Variants in PKP1 observed in about 807,000 individuals in gnomAD.
The protein encoded by PKP1 is plakophilin 1, also known as plakophilin-1.
A neutral mutation model predicts 76.4 loss-of-function variants in PKP1; 27 were observed. That is an observed-to-expected ratio of 0.35 (90% CI 0.26 to 0.49). The LOEUF is 0.49. Ranked by LOEUF, PKP1 falls within the 20% of genes least tolerant of loss-of-function variation. PKP1 has a pLI of 0.99. For synonymous variants in PKP1, 404 were observed against 384.2 expected (o/e 1.05, Z -0.60); for missense variants, 964 against 955.2 (o/e 1.01, Z -0.12).
chr1:201,325,899 G>C, intron 12 of PKP1, 61 bp downstream of exon 12: 1 of 1,286,326 alleles, frequency 7.8e-7, no homozygotes, highest in South Asian at 1.2e-5. Context: ...AGAGGGCCTG[G>C]CATATGCTGG....
chr1:201,316,149 C>CGGACGGACGGATGGAT (rs1558191684), intron 3 of PKP1: 6 of 124,068 alleles, frequency 4.8e-5, no homozygotes, highest in African/African-American at 2.4e-4. Flanking sequence ...GATGGACGGA[C>CGGACGGACGGATGGAT]GGATGGATGG....
intron 1 of PKP1, among the ~76,000 whole-genome samples, chr1:201,287,050 C>T (rs1463611295): frequency 2.0e-5 from 3 of 152,212 alleles, no homozygotes; most frequent in African/African-American, 7.2e-5. Flanking sequence ...CCAGGGAAGT[C>T]CTAACAACAC....
intron 13 of PKP1, 138 bp downstream of exon 13, chr1:201,329,006 T>G: frequency 1.4e-6 from 1 of 694,948 alleles, no homozygotes; most frequent in Non-Finnish European, 2.6e-6. Flanking sequence ...CACAAGCAGT[T>G]GTGTAGACTG....
chr1:201,313,800 AAAGGTC>A (rs1438156493), intron 3 of PKP1, among the ~76,000 whole-genome samples: 1 of 152,234 alleles, frequency 6.6e-6, no homozygotes, highest in Non-Finnish European at 1.5e-5. Flanking sequence ...TGTAGGTTTT[AAAGGTC>A]ACAGTTTATG....
intron 2 of PKP1, 144 bp from the exon 3 acceptor site, chr1:201,313,022 G>A: frequency 1.2e-6 from 1 of 816,784 alleles, no homozygotes; most frequent in South Asian, 1.6e-5. Context: ...ATCAGATGAT[G>A]GCTCAGGTTC....
At chr1:201,322,952 C>T in intron 8 of PKP1, 61 bp from the exon 9 acceptor site, 1 of 1,545,292 alleles carries the variant, frequency 6.5e-7, no homozygotes, top group Non-Finnish European at 8.9e-7. Flanking sequence ...GACAGAATGC[C>T]TGGGTTGTGT....
At chr1:201,316,129 C>CGGACAGAT (rs1553275140) in intron 3 of PKP1, 49 of 66,394 alleles carry the variant, frequency 7.4e-4, no homozygotes, top group Non-Finnish European at 1.6e-3. Flanking sequence ...GATGGACGGA[C>CGGACAGAT]GGACGGACGG....
intron 1 of PKP1, among the ~76,000 whole-genome samples, chr1:201,285,432 G>A (rs1175221332): frequency 6.6e-6 from 1 of 152,052 alleles, no homozygotes; most frequent in Non-Finnish European, 1.5e-5. Context: ...CCTTTGTGTG[G>A]GCTCCAGGCT....
At chr1:201,296,454 G>A (rs191445615) in intron 2 of PKP1, among the ~76,000 whole-genome samples, 262 of 152,310 alleles carry the variant, frequency 1.7e-3, no homozygotes, top group African/African-American at 5.9e-3. Context: ...GGGAGGGTGG[G>A]GAGGAGGGTG....
chr1:201,309,481 C>T (rs1656470033), intron 2 of PKP1, among the ~76,000 whole-genome samples: 1 of 152,188 alleles, frequency 6.6e-6, no homozygotes, highest in Non-Finnish European at 1.5e-5. Context: ...TGCTGTCTGG[C>T]AGAGTGACCA....
chr1:201,322,027 A>G lies in PKP1; in HGVS notation c.1397A>G (p.Asp466Gly), dbSNP rs1475602903. 2 of 1,613,986 alleles carry G rather than the reference A, an allele frequency of 1.2e-6. No individual in the cohort carries two copies. Among genetic ancestry groups the G allele is most frequent in the Non-Finnish European group, 1.7e-6 (2 of 1,179,990 alleles). Reference sequence around the variant, plus strand: ...CTGCACAACCTCTCCTACCGCCTGGACGCCGAGGTGCCCACCCGCTACCGC... The same window carrying G: ...CTGCACAACCTCTCCTACCGCCTGGGCGCCGAGGTGCCCACCCGCTACCGC... Reference protein sequence around the residue: ...CVLHNLSYRLDAEVPTRYRQL... With the variant: ...CVLHNLSYRLGAEVPTRYRQL... The change falls in exon 8 of 14, where the codon GAC (aspartate) becomes GGC (glycine). Residue 466 changes from aspartate to glycine, a missense_variant. Asp to Gly is a moderately conservative substitution (Grantham distance 94, BLOSUM62 -1). Coordinates refer to ENST00000367324, the MANE Select transcript of PKP1 (RefSeq NM_001005337.3).
rs932456506 is a variant in PKP1 at position 201,330,200 on chromosome 1, A to T, written c.*159A>T. ...CCTAAAAACTGTGGATAGTGGAAAG[A>T]TTTTTAGATTTTTTTTTTCCTTGGG... On this transcript the variant is annotated 3_prime_UTR_variant, in exon 14 of 14. Coordinates refer to ENST00000367324, the MANE Select transcript of PKP1 (RefSeq NM_001005337.3). 7.2e-6 allele frequency: 1 copy of T among 139,676 alleles called. No homozygotes were observed. 8.7% of individuals were successfully genotyped at this position (139,676 alleles called of 1,614,324 possible).
chr1:201,295,877 T>A (rs972124059), intron 2 of PKP1, among the ~76,000 whole-genome samples: 2 of 94,170 alleles, frequency 2.1e-5, no homozygotes, highest in Non-Finnish European at 4.7e-5. Flanking sequence ...TCGGGGAAGG[T>A]GTTTCTAAAG....
intron 8 of PKP1, 136 bp from the exon 9 acceptor site, chr1:201,322,877 G>A (rs1656990864): frequency 1.2e-6 from 1 of 847,766 alleles, no homozygotes; most frequent in Admixed American, 2.1e-5. Context: ...TGGGCCCCCT[G>A]CCTCTGCAGG....
chr1:201,324,924 A>G lies in PKP1; in HGVS notation c.1835-17A>G, dbSNP rs749131271. The G allele has an allele frequency of 6.2e-7, 1 of 1,611,696 alleles. No homozygotes were observed. The highest frequency in any genetic ancestry group is 8.5e-7 in the Non-Finnish European group (1 of 1,179,060). On this transcript the variant is annotated splice_polypyrimidine_tract_variant and intron_variant, in intron 10 of 13. Coordinates refer to ENST00000367324, the MANE Select transcript of PKP1 (RefSeq NM_001005337.3). ...CCAGTCATCCTGACCCTGTGCCCCAACTCGTTCCTCTCCCAGGGAACCAGG... is the reference window on the plus strand; with the variant it reads ...CCAGTCATCCTGACCCTGTGCCCCAGCTCGTTCCTCTCCCAGGGAACCAGG...
At chr1:201,322,864 T>C in intron 8 of PKP1, 149 bp from the exon 9 acceptor site, 2 of 761,696 alleles carry the variant, frequency 2.6e-6, no homozygotes, top group South Asian at 3.3e-5. Flanking sequence ...AGCGGGGCTG[T>C]CCTGGGCCCC....
rs371394152 is a variant in PKP1 at position 201,317,748 on chromosome 1, C to T, written c.1023C>T (p.Thr341=). 76 of 1,613,730 alleles carry T rather than the reference C, an allele frequency of 4.7e-5. No homozygotes were observed. In the Admixed American group the frequency reaches 9.2e-4, roughly 19 times the overall value. The change falls in exon 5 of 14, where the codon ACC becomes ACT. Residue 341 remains threonine, a synonymous_variant. Coordinates refer to ENST00000367324, the MANE Select transcript of PKP1 (RefSeq NM_001005337.3). ...IREAVSLLRR[T]GNAEIQKQLT... is the part of the protein sequence containing the mutation. Reference sequence around the variant, plus strand: ...AGGCAGTCAGCCTCCTGAGGAGAACCGGGAACGCCGAGATCCAGAAGCAGC... The same window carrying T: ...AGGCAGTCAGCCTCCTGAGGAGAACTGGGAACGCCGAGATCCAGAAGCAGC...
intron 2 of PKP1, among the ~76,000 whole-genome samples, chr1:201,306,449 C>A (rs781749493): frequency 6.6e-6 from 1 of 152,228 alleles, no homozygotes; most frequent in African/African-American, 2.4e-5. Context: ...AGAATTGTGG[C>A]CTCACTGGAG....
intron 13 of PKP1, among the ~76,000 whole-genome samples, chr1:201,329,382 T>C (rs1180479396): frequency 6.6e-6 from 1 of 152,216 alleles, no homozygotes; most frequent in Non-Finnish European, 1.5e-5. Context: ...CAGTGTTCAT[T>C]GGAATTATAT....
Sources: allele counts gnomAD v4.1 joint callset (sites outside exome capture counted in the v4.1 genomes callset), GRCh38; gene constraint gnomAD v4.1.1; transcripts MANE v1.5; gene names NCBI Gene and HGNC (gene_info 2026-07-23, HGNC 2026-07-21).